The following C14orf39 variants were observed in gnomAD, a reference collection of about 807,000 sequenced individuals.
C14orf39 encodes the protein protein SIX6OS1.
Under a neutral mutation model 85.6 loss-of-function variants are expected in C14orf39, and 66 were observed. The ratio of observed to expected loss-of-function variants is 0.77; its 90% CI spans 0.63 to 0.95. The LOEUF (loss-of-function observed/expected upper bound fraction) is 0.95, where lower values mean the gene tolerates loss of function less well. Ranked by LOEUF, C14orf39 falls within the 40% of genes least tolerant of loss-of-function variation. The pLI, the probability that C14orf39 is intolerant of heterozygous loss-of-function variation, is 0.00. For synonymous variants in C14orf39, 242 were observed against 214.0 expected (o/e 1.13, Z -1.14); for missense variants, 735 against 663.9 (o/e 1.11, Z -1.18).
chr14:60,441,158 T>C (rs540657600), intron 17 of C14orf39, among the ~76,000 whole-genome samples: 30 of 152,266 alleles, frequency 2.0e-4, no homozygotes, highest in South Asian at 4.2e-4. Context: ...GTTTTATCTA[T>C]CTAGTCTGCT....
chr14:60,506,487 T>A (rs1207710511), intron 1 of C14orf39, among the ~76,000 whole-genome samples: 1 of 152,214 alleles, frequency 6.6e-6, no homozygotes, highest in Non-Finnish European at 1.5e-5. Context: ...AGGAATCCCG[T>A]GGAGCTTCCC....
rs779956587 is a variant in C14orf39, at chr14:60,461,611, A to C, written c.973-18T>G. 6.7e-6 allele frequency: 10 copies of C among 1,497,544 alleles called. No homozygotes were observed. The South Asian group carries it at 1.1e-4, about 16-fold the overall frequency. 92.8% of individuals were successfully genotyped at this position (1,497,544 alleles called of 1,614,324 possible). A position where few individuals can be genotyped will look rare whatever the true frequency, so the allele number is the denominator to read the frequency against. On this transcript the variant is annotated intron_variant, in intron 11 of 17. Transcript: ENST00000321731. ...TTAAATATCTGAAAGAAAGAAATTA[A>C]GCATCTGACTTGGCTACACAAAGCA...
chr14:60,476,082 TC>T (rs1892363962), intron 5 of C14orf39, among the ~76,000 whole-genome samples: 1 of 152,144 alleles, frequency 6.6e-6, no homozygotes, highest in African/African-American at 2.4e-5. Context: ...TACTAAACTG[TC>T]CCCTTTAGCA....
At chr14:60,457,500 T>C (rs1285989955) in intron 14 of C14orf39, among the ~76,000 whole-genome samples, 3 of 152,036 alleles carry the variant, frequency 2.0e-5, no homozygotes, top group African/African-American at 7.2e-5. Flanking sequence ...TCTCATTGAT[T>C]AATTACATTT....
chr14:60,497,459 T>C (rs1893084427), intron 2 of C14orf39, among the ~76,000 whole-genome samples: 1 of 152,228 alleles, frequency 6.6e-6, no homozygotes, highest in East Asian at 1.9e-4. Flanking sequence ...ATAATGACTA[T>C]AATCCCAATT....
intron 16 of C14orf39, among the ~76,000 whole-genome samples, chr14:60,453,992 C>T (rs1405156187): frequency 6.6e-6 from 1 of 151,746 alleles, no homozygotes; most frequent in Non-Finnish European, 1.5e-5. Context: ...CATTTATATA[C>T]ATGCATTTTG....
chr14:60,498,839 T>C (rs969961526), intron 2 of C14orf39, among the ~76,000 whole-genome samples: 9 of 152,234 alleles, frequency 5.9e-5, no homozygotes, highest in African/African-American at 9.6e-5. Flanking sequence ...AATTAGTCTA[T>C]TTATGTAATA....
chr14:60,458,672 A>G lies in C14orf39; in HGVS notation c.1179+6T>C. 1 of 1,586,620 alleles carries G rather than the reference A, an allele frequency of 6.3e-7. No individual in the cohort carries two copies. Among genetic ancestry groups the G allele is most frequent in the Non-Finnish European group, 8.6e-7 (1 of 1,162,622 alleles). On this transcript the variant is annotated splice_donor_region_variant and intron_variant, in intron 14 of 17. Transcript: ENST00000321731. Reference sequence around the variant, plus strand: ...TTAGAAATTAGAGATCAAACATTTGACTTACTTGTGAAGTACATTTTGATT... The same window carrying G: ...TTAGAAATTAGAGATCAAACATTTGGCTTACTTGTGAAGTACATTTTGATT...
At chr14:60,487,492 C>CGTGTGTGTGTGTGTGTGT (rs1308228152), upstream of C14orf39, among the ~76,000 whole-genome samples, 8 of 150,248 alleles carry the variant, frequency 5.3e-5, no homozygotes, top group East Asian at 2.0e-4. Flanking sequence ...AATAAAAGTC[C>CGTGTGTGTGTGTGTGTGT]GTGTGTGTGT....
At chr14:60,464,773 T>C (rs1891704645) in intron 11 of C14orf39, among the ~76,000 whole-genome samples, 1 of 152,116 alleles carries the variant, frequency 6.6e-6, no homozygotes, top group South Asian at 2.1e-4. Flanking sequence ...CTGTATTTGT[T>C]TATATATCCC....
At chr14:60,510,951 A>G (rs1893282035) in intron 1 of C14orf39, 1 of 915,476 alleles carries the variant, frequency 1.1e-6, no homozygotes. Context: ...TTGCCGAGTA[A>G]TCCTCGCCTT....
At chr14:60,438,868 A>C (rs532180148) in intron 17 of C14orf39, among the ~76,000 whole-genome samples, 4 of 152,206 alleles carry the variant, frequency 2.6e-5, no homozygotes, top group Non-Finnish European at 5.9e-5. Flanking sequence ...GCCAAAGCAC[A>C]GGTTACCCTT....
intron 16 of C14orf39, among the ~76,000 whole-genome samples, chr14:60,447,950 C>T (rs1890852446): frequency 6.6e-6 from 1 of 152,126 alleles, no homozygotes; most frequent in Admixed American, 6.5e-5. Flanking sequence ...GGAAAGGATT[C>T]CCTATTTAAT....
chr14:60,486,232 A>G (rs1404275521), upstream of C14orf39: 2 of 152,206 alleles, frequency 1.3e-5, no homozygotes, highest in East Asian at 3.9e-4. Flanking sequence ...AGCCCCGTAA[A>G]ACCACAGAAG....
intron 17 of C14orf39, among the ~76,000 whole-genome samples, chr14:60,441,327 A>T (rs748337602): frequency 3.0e-4 from 45 of 152,282 alleles, no homozygotes; most frequent in Non-Finnish European, 6.0e-4. Flanking sequence ...TAGCAGCCTG[A>T]CATGTTCCTT....
intron 11 of C14orf39, among the ~76,000 whole-genome samples, chr14:60,465,390 T>C (rs566287275): frequency 6.6e-6 from 1 of 152,226 alleles, no homozygotes; most frequent in African/African-American, 2.4e-5. Flanking sequence ...TCCTTGTTCT[T>C]CATGGGCATC....
At chr14:60,465,921 T>G in intron 11 of C14orf39, 58 bp downstream of exon 11, 3 of 861,820 alleles carry the variant, frequency 3.5e-6, no homozygotes, top group African/African-American at 1.7e-5. Flanking sequence ...AGTACATTCA[T>G]TATTACATTT....
intron 17 of C14orf39, among the ~76,000 whole-genome samples, chr14:60,440,344 A>C (rs1214507045): frequency 1.3e-5 from 2 of 152,202 alleles, no homozygotes; most frequent in African/African-American, 4.8e-5. Context: ...AGAGCCTTCC[A>C]TATTTCTATA....
At chr14:60,482,879 G>GTGTGTGTGT (rs1892701110) in intron 4 of C14orf39, among the ~76,000 whole-genome samples, 1 of 146,644 alleles carries the variant, frequency 6.8e-6, no homozygotes, top group Non-Finnish European at 1.5e-5. Flanking sequence ...TATATAGACA[G>GTGTGTGTGT]GTGTGTGTGT....
Sources: gnomAD v4.1 joint callset for allele counts (sites outside exome capture counted in the v4.1 genomes callset) on GRCh38, gnomAD v4.1.1 for gene constraint, MANE v1.5 for transcripts, NCBI Gene and HGNC (gene_info 2026-07-23, HGNC 2026-07-21) for gene names.